Variants in HEATR5B observed in about 807,000 individuals in gnomAD.
HEATR5B encodes the protein HEAT repeat-containing protein 5B.
A neutral mutation model predicts 224.1 loss-of-function variants in HEATR5B; 156 were observed. The ratio of observed to expected loss-of-function variants is 0.70; its 90% CI spans 0.61 to 0.80. The LOEUF is 0.80. Among genes scored for constraint, HEATR5B ranks in the 30% least tolerant of loss-of-function variants. The pLI is 0.00. For missense variants in HEATR5B, 2,323 were observed against 2,535.5 expected (o/e 0.92, Z 1.80); for synonymous variants, 1,027 against 893.0 (o/e 1.15, Z -2.68).
At position 37,032,852 on chromosome 2, in the gene HEATR5B, A is replaced by T. The variant is rs1348928028; in HGVS notation, c.3217-79T>A. The stretch of plus-strand genomic sequence containing the variant: ...AATCTTATTTGCCCAATGAATATAT[A>T]TATACATACATACATATATATGTTT... On this transcript the variant is annotated intron_variant, in intron 21 of 35. Coordinates refer to ENST00000233099, the MANE Select transcript of HEATR5B (RefSeq NM_019024.3). The T allele has an allele frequency of 9.9e-6, 11 of 1,114,058 alleles. No homozygotes were observed. In the Admixed American group the frequency reaches 2.8e-4, roughly 29 times the overall value. The allele number at this position is 1,114,058 out of a possible 1,614,324, so 69.0% of individuals were successfully genotyped here. A position where few individuals can be genotyped will look rare whatever the true frequency, so the allele number is the denominator to read the frequency against.
chr2:37,056,322 C>T (rs907872849), intron 16 of HEATR5B, 118 bp downstream of exon 16: 3 of 620,620 alleles, frequency 4.8e-6, no homozygotes, highest in Non-Finnish European at 7.8e-6. Flanking sequence ...TGTAAGAGTA[C>T]TGTTTTAAGT....
chr2:37,042,754 T>C (rs1341520044), intron 18 of HEATR5B, among the ~76,000 whole-genome samples: 1 of 151,870 alleles, frequency 6.6e-6, no homozygotes, highest in African/African-American at 2.4e-5. Flanking sequence ...CAGCTGGGTG[T>C]GGTGGCACTT....
chr2:36,981,825 CA>C, intron 35 of HEATR5B, 31 bp from the exon 36 acceptor site: 1 of 1,497,206 alleles, frequency 6.7e-7, no homozygotes, highest in Non-Finnish European at 9.1e-7. Flanking sequence ...AAAAAGATCA[CA>C]AACATAAGGA....
At chr2:37,022,664 C>T (rs985447629) in intron 24 of HEATR5B, among the ~76,000 whole-genome samples, 7 of 152,100 alleles carry the variant, frequency 4.6e-5, no homozygotes, top group Non-Finnish European at 8.8e-5. Flanking sequence ...TGTCAGGAAA[C>T]TTAAATCTAC....
intron 26 of HEATR5B, among the ~76,000 whole-genome samples, chr2:37,014,845 T>C (rs1179327132): frequency 6.6e-6 from 1 of 151,860 alleles, no homozygotes; most frequent in Non-Finnish European, 1.5e-5. Flanking sequence ...GGCGTGGGCA[T>C]GGTGGCGTGT....
At chr2:37,066,167 C>G (rs1292460247) in intron 8 of HEATR5B, among the ~76,000 whole-genome samples, 6 of 152,154 alleles carry the variant, frequency 3.9e-5, no homozygotes, top group Non-Finnish European at 1.5e-5. Flanking sequence ...TTTTAGCAAG[C>G]AGCAGCAATC....
intron 33 of HEATR5B, among the ~76,000 whole-genome samples, chr2:36,993,074 G>A (rs1666443524): frequency 6.6e-6 from 1 of 152,108 alleles, no homozygotes; most frequent in Non-Finnish European, 1.5e-5. Flanking sequence ...ATCTAAATAT[G>A]ATTTTTCTAC....
In HEATR5B at chr2:37,020,847, A is replaced by G; in HGVS notation, c.3854-11T>C. 1 of 1,454,686 alleles carries G rather than the reference A, an allele frequency of 6.9e-7. No homozygotes were observed. Among genetic ancestry groups the G allele is most frequent in the Non-Finnish European group, 9.1e-7 (1 of 1,093,946 alleles). 90.1% of individuals were successfully genotyped at this position (1,454,686 alleles called of 1,614,324 possible). A position where few individuals can be genotyped will look rare whatever the true frequency, so the allele number is the denominator to read the frequency against. ...GTACCAAGAGGTCATCTAAAAATAAAAATAGAATGCAAAAATGAAAACTTT... is the reference window on the plus strand; with the variant it reads ...GTACCAAGAGGTCATCTAAAAATAAGAATAGAATGCAAAAATGAAAACTTT... On this transcript the variant is annotated splice_polypyrimidine_tract_variant and intron_variant, in intron 24 of 35. Transcript: ENST00000233099.
chr2:37,015,085 G>T (rs150574126), intron 26 of HEATR5B, among the ~76,000 whole-genome samples: 5 of 152,102 alleles, frequency 3.3e-5, no homozygotes, highest in Non-Finnish European at 5.9e-5. Flanking sequence ...CTGTAATATG[G>T]GACACTTAAA....
rs60184195 is a variant in HEATR5B, at chr2:37,049,850, TAAAAA to T, written c.2506-12_2506-8del. 2.8e-3 allele frequency: 2,828 copies of T among 998,114 alleles called. No individual in the cohort carries two copies. Among genetic ancestry groups the T allele is most frequent in the Middle Eastern group, 3.5e-3 (10 of 2,878 alleles). 61.8% of individuals were successfully genotyped at this position (998,114 alleles called of 1,614,324 possible). A position where few individuals can be genotyped will look rare whatever the true frequency, so the allele number is the denominator to read the frequency against. ...TTTTGTTTTCAGCTAAGCCCTACAT[TAAAAA>T]AAAAAAAAAAAAAAAGACAGCAATT... On this transcript the variant is annotated splice_polypyrimidine_tract_variant and splice_region_variant and intron_variant, in intron 17 of 35. Coordinates refer to ENST00000233099, the MANE Select transcript of HEATR5B (RefSeq NM_019024.3).
intron 5 of HEATR5B, 40 bp from the exon 6 acceptor site, chr2:37,072,321 A>G (rs373944308): frequency 1.4e-6 from 2 of 1,413,314 alleles, no homozygotes; most frequent in African/African-American, 2.8e-5. Context: ...ATCCTATAAC[A>G]TCTGCTTCCA....
chr2:37,022,599 C>A (rs10084315), intron 24 of HEATR5B, among the ~76,000 whole-genome samples: 8 of 152,158 alleles, frequency 5.3e-5, no homozygotes, highest in African/African-American at 9.7e-5. Context: ...ACAAAAAAGG[C>A]TGTAGGTTGG....
intron 21 of HEATR5B, 76 bp downstream of exon 21, chr2:37,037,779 G>T: frequency 9.6e-7 from 1 of 1,039,768 alleles, no homozygotes; most frequent in Non-Finnish European, 1.3e-6. Flanking sequence ...TAGCTAGTAT[G>T]TATCCATAAA....
intron 12 of HEATR5B, 21 bp from the exon 13 acceptor site, chr2:37,059,008 G>A (rs779928149): frequency 1.4e-6 from 2 of 1,476,194 alleles, no homozygotes; most frequent in Admixed American, 1.7e-5. Context: ...TGTTTAAAAG[G>A]ACAGATTTGG....
chr2:37,058,799 T>C, intron 13 of HEATR5B, 89 bp downstream of exon 13: 4 of 818,524 alleles, frequency 4.9e-6, no homozygotes, highest in Non-Finnish European at 7.8e-6. Flanking sequence ...GTTTCCTAGA[T>C]GATTCTAGAA....
chr2:37,003,216 C>T (rs1667200987), intron 31 of HEATR5B, among the ~76,000 whole-genome samples: 1 of 144,966 alleles, frequency 6.9e-6, no homozygotes, highest in Non-Finnish European at 1.5e-5. Context: ...GATTGCACCA[C>T]TGCACTCCAG....
chr2:37,023,843 C>G (rs1468599704), intron 24 of HEATR5B, among the ~76,000 whole-genome samples: 1 of 151,738 alleles, frequency 6.6e-6, no homozygotes, highest in African/African-American at 2.4e-5. Flanking sequence ...GGGAGGCAAG[C>G]AGAGAAGGCA....
Position 36,981,448 on chromosome 2 carries a change from G to A in HEATR5B, c.*42C>T. The A allele has an allele frequency of 1.4e-6, 2 of 1,480,744 alleles. No individual in the cohort carries two copies. Among genetic ancestry groups the A allele is most frequent in the Non-Finnish European group, 9.2e-7 (1 of 1,086,640 alleles). 91.7% of individuals were successfully genotyped at this position (1,480,744 alleles called of 1,614,324 possible). On this transcript the variant is annotated 3_prime_UTR_variant, in exon 36 of 36. Transcript: ENST00000233099. ...TGATACAGTGGCCATCACTAATTAG[G>A]GGCTAGTTGACAACATAAATACAAA...
chr2:36,992,294 A>G (rs1257370700), intron 33 of HEATR5B, among the ~76,000 whole-genome samples: 2 of 152,164 alleles, frequency 1.3e-5, no homozygotes, highest in African/African-American at 4.8e-5. Context: ...AAAACCTGAG[A>G]ACCCACCCAG....
Sources: gnomAD v4.1 joint callset for allele counts (sites outside exome capture counted in the v4.1 genomes callset) on GRCh38, gnomAD v4.1.1 for gene constraint, MANE v1.5 for transcripts, NCBI Gene and HGNC (gene_info 2026-07-23, HGNC 2026-07-21) for gene names.